The following CCNI variants were observed in gnomAD, a reference collection of about 807,000 sequenced individuals.
CCNI encodes the protein cyclin-I.
Under a neutral mutation model 34.1 loss-of-function variants are expected in CCNI, and 14 were observed. The ratio of observed to expected loss-of-function variants is 0.41; its 90% CI spans 0.27 to 0.64. The LOEUF is 0.64. Among genes scored for constraint, CCNI ranks in the 30% least tolerant of loss-of-function variants. The probability of loss-of-function intolerance (pLI) is 0.31; values close to 1 mark genes in which losing one functional copy is unlikely to be tolerated. For synonymous variants in CCNI, 154 were observed against 158.4 expected (o/e 0.97, Z 0.21); for missense variants, 385 against 440.5 (o/e 0.87, Z 1.13).
At chr4:77,069,403 T>C (rs1729289354) in intron 1 of CCNI, among the ~76,000 whole-genome samples, 1 of 151,956 alleles carries the variant, frequency 6.6e-6, no homozygotes, top group African/African-American at 2.4e-5. Flanking sequence ...GAAATCCCTA[T>C]GCAGTCACAT....
At chr4:77,059,814 A>G (rs1454120798) in intron 2 of CCNI, among the ~76,000 whole-genome samples, 1 of 152,210 alleles carries the variant, frequency 6.6e-6, no homozygotes, top group African/African-American at 2.4e-5. Flanking sequence ...AAAGCCAATC[A>G]CAAGACTTCT....
At chr4:77,072,413 A>C (rs1011805362) in intron 1 of CCNI, among the ~76,000 whole-genome samples, 3 of 145,402 alleles carry the variant, frequency 2.1e-5, no homozygotes, top group Admixed American at 1.4e-4. Context: ...CAGGAGTTTG[A>C]GACCAGCCTG....
intron 1 of CCNI, among the ~76,000 whole-genome samples, chr4:77,067,694 GT>G (rs1466737067): frequency 7.2e-6 from 1 of 139,400 alleles, no homozygotes; most frequent in African/African-American, 2.7e-5. Flanking sequence ...TAGAGATGCA[GT>G]TTTGCTATGT....
chr4:77,051,494 T>C (rs1404502633), intron 6 of CCNI, among the ~76,000 whole-genome samples: 4 of 147,722 alleles, frequency 2.7e-5, no homozygotes, highest in East Asian at 3.9e-4. Context: ...CAAGAAATGA[T>C]AGAGCTAAAA....
chr4:77,061,293 C>T (rs193142338), intron 2 of CCNI, among the ~76,000 whole-genome samples: 12 of 152,200 alleles, frequency 7.9e-5, no homozygotes, highest in African/African-American at 2.4e-4. Flanking sequence ...GTAAGTTCTG[C>T]GCCTAATTCA....
At position 77,057,427 on chromosome 4, in the gene CCNI, G is replaced by C. The variant is rs143622301; in HGVS notation, c.243+1080C>G. ...TATTGGGTCCTGTCATGTTTAGTAA[G>C]TGTCTTAAGAGTAGAAGTTTGAGCA... On this transcript the variant is annotated intron_variant, in intron 3 of 6. Coordinates refer to ENST00000237654, the MANE Select transcript of CCNI (RefSeq NM_006835.3). Among the ~76,000 whole-genome samples the C allele has an allele frequency of 7.9e-5, 12 of 152,298 alleles. No individual in the cohort carries two copies. In the East Asian group the frequency reaches 2.3e-3, roughly 29 times the overall value.
intron 1 of CCNI, among the ~76,000 whole-genome samples, chr4:77,069,609 GC>G (rs1234358449): frequency 9.4e-6 from 1 of 106,470 alleles, no homozygotes; most frequent in African/African-American, 4.0e-5. Flanking sequence ...CCCACAACAG[GC>G]CCCGGTGTGT....
intron 1 of CCNI, among the ~76,000 whole-genome samples, chr4:77,073,742 CCA>C (rs1406733336): frequency 6.6e-6 from 1 of 152,230 alleles, no homozygotes; most frequent in Non-Finnish European, 1.5e-5. Flanking sequence ...GCCCTGCCTT[CCA>C]ACATCTGTAC....
chr4:77,069,622 A>ATG (rs1345865732), intron 1 of CCNI, among the ~76,000 whole-genome samples: 1 of 111,254 alleles, frequency 9.0e-6, no homozygotes, highest in Non-Finnish European at 1.7e-5. Context: ...CCGGTGTGTG[A>ATG]TGTTCCCCTT....
In CCNI at chr4:77,075,453, C is replaced by G; in HGVS notation, c.-44+19G>C. On this transcript the variant is annotated intron_variant, in intron 1 of 6. Transcript: ENST00000237654. The stretch of plus-strand genomic sequence containing the variant: ...CCGCGGAGACGCGTCGAGCCCCCGC[C>G]CCCGCCCCCGCCCCTCACCTTCTCC... The G allele has an allele frequency of 8.3e-6, 5 of 600,432 alleles. No individual in the cohort carries two copies. Among genetic ancestry groups the G allele is most frequent in the South Asian group, 7.1e-5 (1 of 14,008 alleles). The allele number at this position is 600,432 out of a possible 1,614,324, so 37.2% of individuals were successfully genotyped here.
intron 3 of CCNI, chr4:77,056,583 T>TA: frequency 1.0e-5 from 3 of 291,554 alleles, no homozygotes; most frequent in Non-Finnish European, 1.9e-5. Context: ...TGTCTAGAGC[T>TA]AACTTTTTTT....
intron 1 of CCNI, among the ~76,000 whole-genome samples, chr4:77,067,397 G>A (rs1480726967): frequency 6.6e-6 from 1 of 152,144 alleles, no homozygotes; most frequent in African/African-American, 2.4e-5. Flanking sequence ...AAGCTCCACA[G>A]TACATTGACT....
At chr4:77,050,696 A>G (rs891466473) in intron 6 of CCNI, among the ~76,000 whole-genome samples, 10 of 152,188 alleles carry the variant, frequency 6.6e-5, no homozygotes, top group African/African-American at 2.4e-4. Context: ...ATAACACTTA[A>G]GATAGTCCCT....
At chr4:77,075,409 C>G (rs1729841693) in intron 1 of CCNI, 63 bp downstream of exon 1, 1 of 707,752 alleles carries the variant, frequency 1.4e-6, no homozygotes. Flanking sequence ...GCAGCGGGGC[C>G]CCAGCGCGTC....
chr4:77,054,895 A>T (rs1365148076), intron 6 of CCNI, among the ~76,000 whole-genome samples: 1 of 152,238 alleles, frequency 6.6e-6, no homozygotes, highest in Non-Finnish European at 1.5e-5. Flanking sequence ...TATGGTATTG[A>T]CAATCTTATG....
intron 1 of CCNI, chr4:77,074,982 G>C (rs1560789339): frequency 7.3e-5 from 1 of 13,768 alleles, no homozygotes; most frequent in Non-Finnish European, 2.0e-4. Flanking sequence ...CCCAAGCCCT[G>C]GGTAACGTTG....
intron 1 of CCNI, among the ~76,000 whole-genome samples, chr4:77,067,790 TAAAAAAAAAAAAAAAAA>T (rs375815113): frequency 1.0e-5 from 1 of 98,686 alleles, no homozygotes; most frequent in Non-Finnish European, 2.0e-5. Flanking sequence ...CTTCTAGGTT[TAAAAAAAAAAAAAAAAA>T]AAAAAAAAAA....
chr4:77,058,634 T>G lies in CCNI; in HGVS notation c.116A>C (p.Asn39Thr). Reference sequence around the variant, plus strand: ...TTCATCTCTCTGGGATGGAGAAACATTCTATAAGGGAACAATTTTGAAAAC... The same window carrying G: ...TTCATCTCTCTGGGATGGAGAAACAGTCTATAAGGGAACAATTTTGAAAAC... The part of the protein sequence containing the change: ...VNVRKMPSNQ[N>T]VSPSQRDEVI... The change falls in exon 3 of 7, where the codon AAT (asparagine) becomes ACT (threonine). Residue 39 changes from asparagine to threonine, a missense_variant and splice_region_variant. Asn to Thr is a moderately conservative substitution (Grantham distance 65, BLOSUM62 0). Coordinates refer to ENST00000237654, the MANE Select transcript of CCNI (RefSeq NM_006835.3). 1 of 1,611,304 alleles carries G rather than the reference T, an allele frequency of 6.2e-7. No individual in the cohort carries two copies. Among genetic ancestry groups the G allele is most frequent in the Non-Finnish European group, 8.5e-7 (1 of 1,178,976 alleles).
intron 2 of CCNI, chr4:77,066,025 C>T (rs1007662219): frequency 1.2e-5 from 5 of 412,380 alleles, no homozygotes; most frequent in African/African-American, 4.2e-5. Flanking sequence ...TGCTTGAGCC[C>T]GGGAGGCAGG....
Sources: gnomAD v4.1 joint callset for allele counts (sites outside exome capture counted in the v4.1 genomes callset) on GRCh38, gnomAD v4.1.1 for gene constraint, MANE v1.5 for transcripts, NCBI Gene and HGNC (gene_info 2026-07-23, HGNC 2026-07-21) for gene names.